The following F13A1 variants were observed in gnomAD, a reference collection of about 807,000 sequenced individuals.
F13A1 encodes the protein coagulation factor XIII A chain, also known as FSF, A subunit.
F13A1 carries 47 observed loss-of-function variants against 80.1 expected under a neutral mutation model. The observed-to-expected ratio is 0.59, with a 90% CI of 0.46 to 0.75. F13A1 has a LOEUF of 0.75. F13A1 is among the 30% of genes least tolerant of loss of function. The pLI is 0.00. For synonymous variants in F13A1, 349 were observed against 344.9 expected (o/e 1.01, Z -0.13); for missense variants, 817 against 930.4 (o/e 0.88, Z 1.59).
chr6:6,198,187 G>A (rs1414549150), intron 8 of F13A1, among the ~76,000 whole-genome samples: 1 of 152,136 alleles, frequency 6.6e-6, no homozygotes. Flanking sequence ...TTGTCAGGGT[G>A]AATCTCTCTT....
rs3024311 is a variant in F13A1 at position 6,320,601 on chromosome 6, C to A, written c.-33G>T. 2 of 469,816 alleles carry A rather than the reference C, an allele frequency of 4.3e-6. No individual in the cohort carries two copies. Among genetic ancestry groups the A allele is most frequent in the African/African-American group, 2.0e-5 (1 of 50,072 alleles). The allele number at this position is 469,816 out of a possible 1,614,324, so 29.1% of individuals were successfully genotyped here. On this transcript the variant is annotated 5_prime_UTR_variant, in exon 1 of 15. It adds an upstream start codon to the 5' untranslated region. Coordinates refer to ENST00000264870, the MANE Select transcript of F13A1 (RefSeq NM_000129.4). ...CGGTGGCTTACCTGCAGGCGCTCCC[C>A]TCCAGAGGTGCCCTCGCGTGGGCTT...
At chr6:6,263,213 C>T (rs12333289) in intron 4 of F13A1, among the ~76,000 whole-genome samples, 19,324 of 152,150 alleles carry the variant, frequency 0.13, 1,733 homozygotes, top group African/African-American at 0.25. Context: ...TGCCATCTCC[C>T]GCCGTCTCTA....
At position 6,162,499 on chromosome 6, in the gene F13A1, T is replaced by G. The variant is rs901259424; in HGVS notation, c.1908+4959A>C. Among the ~76,000 whole-genome samples, 5 of 152,196 alleles carry G rather than the reference T, an allele frequency of 3.3e-5. No homozygotes were observed. Among genetic ancestry groups the G allele is most frequent in the Non-Finnish European group, 7.3e-5 (5 of 68,032 alleles). On this transcript the variant is annotated intron_variant, in intron 13 of 14. Transcript: ENST00000264870. The surrounding 1 kb of genome is among the most constrained non-coding windows in gnomAD (Gnocchi z 4.2). ...CTTGAATACAAAACTCTCTGCAAAGTCAATGACCACCTCTGCTTTTTGTGA... is the reference window on the plus strand; with the variant it reads ...CTTGAATACAAAACTCTCTGCAAAGGCAATGACCACCTCTGCTTTTTGTGA...
At chr6:6,309,678 T>C (rs1000792167) in intron 2 of F13A1, among the ~76,000 whole-genome samples, 2 of 152,058 alleles carry the variant, frequency 1.3e-5, no homozygotes, top group African/African-American at 4.8e-5. Context: ...CAAACTGACA[T>C]GATTAGATTT....
intron 14 of F13A1, among the ~76,000 whole-genome samples, chr6:6,147,343 G>C (rs1005871078): frequency 6.6e-6 from 1 of 152,068 alleles, no homozygotes; most frequent in African/African-American, 2.4e-5. Context: ...TGACCATTGT[G>C]CTTACTTTTT....
chr6:6,210,152 C>G (rs1381348465), intron 8 of F13A1, among the ~76,000 whole-genome samples: 1 of 151,278 alleles, frequency 6.6e-6, no homozygotes, highest in Non-Finnish European at 1.5e-5. Flanking sequence ...ATTGCTTGAG[C>G]CTGGGAGGTC....
chr6:6,219,926 G>A (rs535432331), intron 8 of F13A1, among the ~76,000 whole-genome samples: 21 of 152,326 alleles, frequency 1.4e-4, no homozygotes, highest in Non-Finnish European at 2.6e-4. Flanking sequence ...AGCAGCTAAC[G>A]TTCATTAGGC....
intron 7 of F13A1, among the ~76,000 whole-genome samples, chr6:6,222,963 C>A (rs3024479): frequency 6.6e-6 from 1 of 152,194 alleles, no homozygotes; most frequent in East Asian, 1.9e-4. Context: ...GTGGCAGCTG[C>A]CACGGGCCTC....
chr6:6,242,775 A>G (rs1235807024), intron 6 of F13A1, among the ~76,000 whole-genome samples: 1 of 152,166 alleles, frequency 6.6e-6, no homozygotes, highest in African/African-American at 2.4e-5. Flanking sequence ...TCCACCATGG[A>G]GAAAGGGTTT....
intron 3 of F13A1, among the ~76,000 whole-genome samples, chr6:6,274,112 G>C (rs1561675536): frequency 6.6e-6 from 1 of 152,132 alleles, no homozygotes; most frequent in Non-Finnish European, 1.5e-5. Flanking sequence ...TTCTAGCTCA[G>C]GCAAACTTAG....
chr6:6,160,717 T>A (rs1760558499), intron 13 of F13A1, among the ~76,000 whole-genome samples: 1 of 152,222 alleles, frequency 6.6e-6, no homozygotes, highest in South Asian at 2.1e-4. Context: ...ATATGAAGAA[T>A]GGATGAATGC....
chr6:6,152,610 G>C (rs190985852), intron 13 of F13A1, among the ~76,000 whole-genome samples: 3 of 152,150 alleles, frequency 2.0e-5, no homozygotes, highest in Non-Finnish European at 4.4e-5. Flanking sequence ...TCAGTGCCAG[G>C]TTCAACACTT....
At position 6,216,618 on chromosome 6, in the gene F13A1, G is replaced by C. The variant is rs535925760; in HGVS notation, c.1112+5415C>G. ...ATACCATTCAGGACATAGGCATGGG[G>C]AAGGACTTCATGTCTAAAACACCAA... On this transcript the variant is annotated intron_variant, in intron 8 of 14. Coordinates refer to ENST00000264870, the MANE Select transcript of F13A1 (RefSeq NM_000129.4). 3.3e-3 allele frequency among the ~76,000 whole-genome samples: 479 copies of C among 144,056 alleles called. 3 individuals are homozygous for C. The highest frequency in any genetic ancestry group is 0.011 in the African/African-American group (376 of 35,256). The allele number at this position is 144,056 out of a possible 152,430, so 94.5% of individuals were successfully genotyped here. A position where few individuals can be genotyped will look rare whatever the true frequency, so the allele number is the denominator to read the frequency against.
intron 4 of F13A1, among the ~76,000 whole-genome samples, chr6:6,262,539 G>T (rs1430605546): frequency 2.6e-5 from 4 of 152,144 alleles, no homozygotes; most frequent in African/African-American, 9.7e-5. Flanking sequence ...GAAGAAGATT[G>T]TGCTAGTTTG....
chr6:6,216,962 A>G (rs12175695), intron 8 of F13A1, among the ~76,000 whole-genome samples: 1 of 148,780 alleles, frequency 6.7e-6, no homozygotes, highest in Non-Finnish European at 1.5e-5. Flanking sequence ...GAAATGCAAA[A>G]CAAAACCACA....
At chr6:6,276,783 A>T (rs1004244417) in intron 3 of F13A1, among the ~76,000 whole-genome samples, 7 of 152,204 alleles carry the variant, frequency 4.6e-5, no homozygotes, top group African/African-American at 1.7e-4. Flanking sequence ...GCATTTCATA[A>T]ACTGAACAAA....
At chr6:6,238,678 A>G (rs1296676396) in intron 6 of F13A1, among the ~76,000 whole-genome samples, 1 of 151,032 alleles carries the variant, frequency 6.6e-6, no homozygotes, top group African/African-American at 2.4e-5. Flanking sequence ...AGTACAAATG[A>G]CTGAATAAGA....
intron 3 of F13A1, among the ~76,000 whole-genome samples, chr6:6,285,386 T>C (rs1440732178): frequency 6.6e-6 from 1 of 152,252 alleles, no homozygotes; most frequent in Non-Finnish European, 1.5e-5. Context: ...TATAGAGATT[T>C]GTAAACAGAA....
chr6:6,260,756 A>G (rs1198024072), intron 4 of F13A1, among the ~76,000 whole-genome samples: 1 of 152,180 alleles, frequency 6.6e-6, no homozygotes, highest in Non-Finnish European at 1.5e-5. Context: ...AGATCAAGCA[A>G]CAAAAATAAT....
Sources: gnomAD v4.1 joint callset for allele counts (sites outside exome capture counted in the v4.1 genomes callset) on GRCh38, gnomAD v4.1.1 for gene constraint, Gnocchi (gnomAD v3.1) non-coding constraint, MANE v1.5 for transcripts, NCBI Gene and HGNC (gene_info 2026-07-23, HGNC 2026-07-21) for gene names.